Variants in CNIH3 observed in about 807,000 individuals in gnomAD.
CNIH3 encodes the protein cornichon family AMPA receptor auxiliary protein 3.
CNIH3 carries 14 observed loss-of-function variants against 24.1 expected under a neutral mutation model. The observed-to-expected ratio is 0.58, with a 90% CI of 0.38 to 0.91. The LOEUF (loss-of-function observed/expected upper bound fraction) is 0.91, where lower values mean the gene tolerates loss of function less well. Among genes scored for constraint, CNIH3 ranks in the 40% least tolerant of loss-of-function variants. CNIH3 has a pLI of 0.00. For synonymous variants in CNIH3, 68 were observed against 73.8 expected, an observed-to-expected ratio of 0.92 and a Z score of 0.40; for missense variants, 178 against 196.8, an observed-to-expected ratio of 0.90 and a Z score of 0.57.
At chr1:224,637,044 C>T (rs796445628) in intron 1 of CNIH3, among the ~76,000 whole-genome samples, 3 of 151,714 alleles carry the variant, frequency 2.0e-5, no homozygotes, top group East Asian at 1.9e-4. Flanking sequence ...CTCCGCCTCC[C>T]GGGTTCAAGC....
intron 3 of CNIH3, among the ~76,000 whole-genome samples, chr1:224,707,066 C>T (rs1687859719): frequency 6.9e-6 from 1 of 144,364 alleles, no homozygotes; most frequent in South Asian, 2.2e-4. Flanking sequence ...TGAGTTCAAG[C>T]AATCCTCCCA....
rs143306321 is a variant in CNIH3 at position 224,518,002 on chromosome 1, C to T, written n.15+2126C>T. Among the ~76,000 whole-genome samples, 470 of 152,182 alleles carry T rather than the reference C, an allele frequency of 3.1e-3. 2 individuals are homozygous for T. The highest frequency in any genetic ancestry group is 0.031 in the Middle Eastern group (9 of 294). The stretch of plus-strand genomic sequence containing the variant: ...ATAAACCGAGCGATCCTTTAGCAAG[C>T]GGCAGGACAGCATGCTTATGGTTCG... On this transcript the variant is annotated intron_variant and non_coding_transcript_variant, in intron 1 of 2. Coordinates refer to the CNIH3 transcript ENST00000470602.
At chr1:224,516,451 G>A (rs1056156293) in intron 1 of CNIH3, among the ~76,000 whole-genome samples, 9 of 151,880 alleles carry the variant, frequency 5.9e-5, no homozygotes, top group African/African-American at 2.2e-4. Context: ...GGCTTCCCAC[G>A]AGACTATGAA....
chr1:224,499,044 G>A (rs116466831), intron 1 of CNIH3, among the ~76,000 whole-genome samples: 2,490 of 152,330 alleles, frequency 0.016, 34 homozygotes, highest in Middle Eastern at 0.051. Context: ...AAGGGGTGCT[G>A]GGAGTGCCAT....
chr1:224,645,655 T>C (rs61827113), intron 1 of CNIH3, among the ~76,000 whole-genome samples: 41,695 of 152,180 alleles, frequency 0.27, 5,938 homozygotes, highest in East Asian at 0.37. Flanking sequence ...AAGGCTGTGC[T>C]ATGGCAGCAG....
At chr1:224,709,842 G>A (rs60769189) in intron 3 of CNIH3, among the ~76,000 whole-genome samples, 1,644 of 152,262 alleles carry the variant, frequency 0.011, 38 homozygotes, top group African/African-American at 0.037. Context: ...TATCCATGGG[G>A]CATATGTTCT....
At chr1:224,448,076 A>C (rs1436359801) in intron 1 of CNIH3, among the ~76,000 whole-genome samples, 1 of 152,166 alleles carries the variant, frequency 6.6e-6, no homozygotes, top group East Asian at 1.9e-4. Context: ...GAGGAGGAGA[A>C]AATGGATAAA....
chr1:224,625,603 C>G (rs767458257), intron 1 of CNIH3, among the ~76,000 whole-genome samples: 1 of 152,194 alleles, frequency 6.6e-6, no homozygotes, highest in African/African-American at 2.4e-5. Flanking sequence ...CCCATGGAAT[C>G]CTAGACTTGG....
chr1:224,711,094 C>A (rs909111607), intron 3 of CNIH3, among the ~76,000 whole-genome samples: 8 of 152,202 alleles, frequency 5.3e-5, no homozygotes, highest in Admixed American at 2.0e-4. Context: ...GAAACAAACC[C>A]AGAGAAAAAT....
At chr1:224,450,379 GT>G (rs1346257798) in intron 1 of CNIH3, among the ~76,000 whole-genome samples, 9 of 152,290 alleles carry the variant, frequency 5.9e-5, no homozygotes, top group Non-Finnish European at 1.2e-4. Context: ...ACATGACATA[GT>G]GCGTGGGAAG....
rs1553275344 is a variant in CNIH3 at position 224,616,346 on chromosome 1, G to GGCAGCGGCA, written c.-823_-815dup. On this transcript the variant is annotated 5_prime_UTR_variant, in exon 1 of 6. Transcript: ENST00000272133. ...TGGCAAAGGCGGCGGCGGCGGCGGC[G>GGCAGCGGCA]GCAGCGGCAGCAGCAGGTGGAGCGA... 1.2e-5 allele frequency: 6 copies of GGCAGCGGCA among 513,166 alleles called. No individual in the cohort carries two copies. Among genetic ancestry groups the GGCAGCGGCA allele is most frequent in the South Asian group, 7.8e-5 (2 of 25,646 alleles). The allele number at this position is 513,166 out of a possible 1,614,324, so 31.8% of individuals were successfully genotyped here.
At chr1:224,580,421 A>G (rs1681222625) in intron 4 of CNIH3, among the ~76,000 whole-genome samples, 1 of 152,224 alleles carries the variant, frequency 6.6e-6, no homozygotes. Context: ...CCACCGTAGG[A>G]TCTGTAGCCT....
At chr1:224,597,892 G>A (rs1340288538) in intron 3 of CNIH3, among the ~76,000 whole-genome samples, 5 of 152,092 alleles carry the variant, frequency 3.3e-5, no homozygotes, top group Non-Finnish European at 5.9e-5. Flanking sequence ...TAGGGGGCGG[G>A]GACTCAGCCC....
chr1:224,533,592 G>A (rs145394897), intron 2 of CNIH3, among the ~76,000 whole-genome samples: 1 of 152,110 alleles, frequency 6.6e-6, no homozygotes, highest in African/African-American at 2.4e-5. Context: ...AAGCCTCGAG[G>A]GGAGAATCTG....
intron 1 of CNIH3, among the ~76,000 whole-genome samples, chr1:224,629,023 C>T (rs1683686305): frequency 6.6e-6 from 1 of 151,090 alleles, no homozygotes; most frequent in African/African-American, 2.4e-5. Context: ...TTTTCACCCC[C>T]CGAGACAGAA....
intron 1 of CNIH3, among the ~76,000 whole-genome samples, chr1:224,646,110 G>A (rs1012219138): frequency 6.7e-6 from 1 of 149,340 alleles, no homozygotes; most frequent in African/African-American, 2.5e-5. Flanking sequence ...TCGATCTCAC[G>A]GTCTAAGATA....
chr1:224,632,629 A>G (rs2125080484), intron 1 of CNIH3, among the ~76,000 whole-genome samples: 1 of 151,916 alleles, frequency 6.6e-6, no homozygotes, highest in Non-Finnish European at 1.5e-5. Flanking sequence ...TGGTGAGGAG[A>G]GGTGGGCTCC....
intron 1 of CNIH3, among the ~76,000 whole-genome samples, chr1:224,461,469 C>T (rs933002402): frequency 1.3e-5 from 2 of 152,328 alleles, no homozygotes; most frequent in Middle Eastern, 3.4e-3. Context: ...ACAAGGCACA[C>T]TTGCTTCCCT....
chr1:224,583,293 G>A (rs1681355280), intron 5 of CNIH3: 1 of 152,316 alleles, frequency 6.6e-6, no homozygotes, highest in South Asian at 2.1e-4. Context: ...CTAGGGGTGT[G>A]TATTAGGGAG....
Sources: allele counts gnomAD v4.1 joint callset (sites outside exome capture counted in the v4.1 genomes callset), GRCh38; gene constraint gnomAD v4.1.1; transcripts MANE v1.5; gene names NCBI Gene and HGNC (gene_info 2026-07-23, HGNC 2026-07-21).